Variants in MAF observed in about 807,000 individuals in gnomAD.
MAF encodes MAF bZIP transcription factor, also known as transcription factor Maf.
In MAF, 10 loss-of-function variants were observed where a neutral mutation model predicts 22.0. The ratio of observed to expected loss-of-function variants is 0.45; its 90% CI spans 0.28 to 0.77. The LOEUF (loss-of-function observed/expected upper bound fraction) is 0.77, where lower values mean the gene tolerates loss of function less well. Among genes scored for constraint, MAF ranks in the 30% least tolerant of loss-of-function variants. MAF has a pLI of 0.12. For missense variants in MAF, 544 were observed against 548.4 expected (o/e 0.99, Z 0.08); for synonymous variants, 337 against 255.8 (o/e 1.32, Z -3.03).
At chr16:79,355,603 G>C in the MAF span, among the ~76,000 whole-genome samples, 10 of 152,212 alleles carry the variant, frequency 6.6e-5, no homozygotes, top group Non-Finnish European at 1.3e-4. Flanking sequence ...TGGTTTGAGA[G>C]TTATGTGAGA....
the MAF span, among the ~76,000 whole-genome samples, chr16:79,262,027 G>T: frequency 6.6e-6 from 1 of 152,262 alleles, no homozygotes; most frequent in Non-Finnish European, 1.5e-5. Flanking sequence ...TTCCAGGAGG[G>T]ACCAGGACAG....
the MAF span, among the ~76,000 whole-genome samples, chr16:79,311,099 G>A: frequency 0.019 from 2,864 of 151,682 alleles, 27 homozygotes; most frequent in Middle Eastern, 0.045. Flanking sequence ...TGGTGTCTCA[G>A]GGGCTTCTTA....
chr16:79,428,798 T>C, the MAF span, among the ~76,000 whole-genome samples: 3 of 151,752 alleles, frequency 2.0e-5, no homozygotes, highest in Admixed American at 6.6e-5. Context: ...TGAGCTGAGA[T>C]TGTACCACTG....
chr16:79,311,330 G>T, the MAF span, among the ~76,000 whole-genome samples: 1 of 151,958 alleles, frequency 6.6e-6, no homozygotes, highest in African/African-American at 2.4e-5. Flanking sequence ...CGCAGGTATT[G>T]GCCCTTTCCT....
At chr16:79,588,526 C>T (rs1429635511) in intron 1 of MAF, among the ~76,000 whole-genome samples, 1 of 152,040 alleles carries the variant, frequency 6.6e-6, no homozygotes, top group Non-Finnish European at 1.5e-5. Context: ...CCTCCGCCTC[C>T]CAGGTTTTAA....
the MAF span, among the ~76,000 whole-genome samples, chr16:79,323,054 G>C: frequency 6.7e-6 from 1 of 149,826 alleles, no homozygotes; most frequent in Admixed American, 6.7e-5. Flanking sequence ...GGAGGCTGGG[G>C]CAGGAGAATG....
the MAF span, among the ~76,000 whole-genome samples, chr16:79,291,609 A>G: frequency 6.6e-6 from 1 of 150,886 alleles, no homozygotes; most frequent in Non-Finnish European, 1.5e-5. Flanking sequence ...TCCAGACTCT[A>G]CTCTGACCTA....
At chr16:79,487,452 T>C in the MAF span, among the ~76,000 whole-genome samples, 1 of 152,164 alleles carries the variant, frequency 6.6e-6, no homozygotes, top group Non-Finnish European at 1.5e-5. Context: ...GCACATCTTA[T>C]TGTATTATTT....
the MAF span, among the ~76,000 whole-genome samples, chr16:79,509,337 G>A: frequency 1.3e-5 from 2 of 152,236 alleles, no homozygotes; most frequent in Non-Finnish European, 2.9e-5. Context: ...GGAGGAGGCA[G>A]TGAGGAAGGA....
At chr16:79,392,541 G>A in the MAF span, among the ~76,000 whole-genome samples, 1 of 152,048 alleles carries the variant, frequency 6.6e-6, no homozygotes, top group Admixed American at 6.5e-5. Context: ...AAACAAGAGA[G>A]GAGATGAACA....
chr16:79,397,146 T>C, the MAF span, among the ~76,000 whole-genome samples: 2 of 152,262 alleles, frequency 1.3e-5, no homozygotes, highest in Non-Finnish European at 2.9e-5. Context: ...GCACACAGCA[T>C]AGATTAAATA....
the MAF span, among the ~76,000 whole-genome samples, chr16:79,241,148 C>T: frequency 6.6e-6 from 1 of 152,088 alleles, no homozygotes; most frequent in Non-Finnish European, 1.5e-5. Flanking sequence ...CAAAGGATCA[C>T]AACTCTTCCC....
the MAF span, among the ~76,000 whole-genome samples, chr16:79,419,460 C>G: frequency 6.6e-6 from 1 of 152,232 alleles, no homozygotes; most frequent in Admixed American, 6.5e-5. Flanking sequence ...TGTCCTCAGT[C>G]GCCTTACAGT....
At chr16:79,327,886 C>G in the MAF span, among the ~76,000 whole-genome samples, 1 of 152,308 alleles carries the variant, frequency 6.6e-6, no homozygotes, top group East Asian at 1.9e-4. Flanking sequence ...ACAGAGTGTT[C>G]TTTCCATCAC....
chr16:79,454,410 G>A, the MAF span, among the ~76,000 whole-genome samples: 2 of 152,114 alleles, frequency 1.3e-5, no homozygotes, highest in Non-Finnish European at 2.9e-5. Context: ...CCTCCCTCAG[G>A]GGTTTACCAA....
chr16:79,395,442 G>A, the MAF span, among the ~76,000 whole-genome samples: 1 of 152,180 alleles, frequency 6.6e-6, no homozygotes, highest in Non-Finnish European at 1.5e-5. Context: ...AGGCTCTTTG[G>A]AGTTGTAGTG....
chr16:79,465,857 C>T, the MAF span, among the ~76,000 whole-genome samples: 1 of 152,128 alleles, frequency 6.6e-6, no homozygotes, highest in East Asian at 1.9e-4. Context: ...ATGTCACCTC[C>T]CTTGGGAAAA....
chr16:79,383,468 A>C, the MAF span, among the ~76,000 whole-genome samples: 1 of 152,338 alleles, frequency 6.6e-6, no homozygotes, highest in Non-Finnish European at 1.5e-5. Flanking sequence ...ATATTGGCAC[A>C]ATTTAAGAAT....
chr16:79,265,514 C>G, the MAF span, among the ~76,000 whole-genome samples: 9 of 151,548 alleles, frequency 5.9e-5, no homozygotes, highest in Non-Finnish European at 1.2e-4. Flanking sequence ...GGACCCGATA[C>G]CACAGATAGT....
Sources: gnomAD v4.1 joint callset for allele counts (sites outside exome capture counted in the v4.1 genomes callset) on GRCh38, gnomAD v4.1.1 for gene constraint, MANE v1.5 for transcripts, NCBI Gene and HGNC (gene_info 2026-07-23, HGNC 2026-07-21) for gene names.